The following TUBD1 variants were observed in gnomAD, a reference collection of about 807,000 sequenced individuals.
TUBD1 encodes tubulin delta chain.
Under a neutral mutation model 51.2 loss-of-function variants are expected in TUBD1, and 38 were observed. The ratio of observed to expected loss-of-function variants is 0.74; its 90% CI spans 0.57 to 0.97. The LOEUF (loss-of-function observed/expected upper bound fraction) is 0.97. Among genes scored for constraint, TUBD1 ranks in the 50% least tolerant of loss-of-function variants. The pLI, the probability that TUBD1 is intolerant of heterozygous loss-of-function variation, is 0.00. For synonymous variants in TUBD1, 169 were observed against 178.2 expected (o/e 0.95, Z 0.41); for missense variants, 489 against 538.4 (o/e 0.91, Z 0.91).
rs1400068705 is a variant in TUBD1, at chr17:59,863,089, TCAAA to T, written c.1259+571_1259+574del. ...ATAATAAAATTCTACTTTAATAATG[TCAAA>T]CAATTACTGAGCATTTACTAGCCAG... On this transcript the variant is annotated intron_variant, in intron 8 of 8. Transcript: ENST00000325752. 3.3e-5 allele frequency among the ~76,000 whole-genome samples: 5 copies of T among 152,242 alleles called. No individual in the cohort carries two copies. In the East Asian group the frequency reaches 7.7e-4, roughly 23 times the overall value.
At chr17:59,890,778 T>C in intron 2 of TUBD1, 53 bp downstream of exon 2, 1 of 1,437,742 alleles carries the variant, frequency 7.0e-7, no homozygotes, top group Non-Finnish European at 9.3e-7. Flanking sequence ...AGGCCTGGCT[T>C]TGAAGGGGTT....
At chr17:59,864,104 A>G (rs559869811) in intron 7 of TUBD1, among the ~76,000 whole-genome samples, 6 of 152,060 alleles carry the variant, frequency 3.9e-5, no homozygotes, top group African/African-American at 1.4e-4. Flanking sequence ...TTAGCTGTAC[A>G]TGGTGGTGTG....
At chr17:59,860,621 C>T (rs1022757262) in intron 8 of TUBD1, among the ~76,000 whole-genome samples, 197 bp from the exon 9 acceptor site, 1 of 151,228 alleles carries the variant, frequency 6.6e-6, no homozygotes, top group Non-Finnish European at 1.5e-5. Context: ...GAGTCTTGCT[C>T]TGTCACCTAG....
intron 1 of TUBD1, chr17:59,892,092 T>C (rs919489172): frequency 6.6e-6 from 1 of 152,214 alleles, no homozygotes; most frequent in African/African-American, 2.4e-5. Flanking sequence ...TGCTCAACAT[T>C]GTACATTCAA....
intron 4 of TUBD1, among the ~76,000 whole-genome samples, chr17:59,879,538 T>C (rs1265919034): frequency 1.3e-5 from 2 of 151,874 alleles, no homozygotes; most frequent in South Asian, 2.1e-4. Flanking sequence ...CAGGTTCAAG[T>C]GATTCTCCTG....
chr17:59,866,967 G>A (rs1481823425), intron 6 of TUBD1, among the ~76,000 whole-genome samples: 2 of 151,958 alleles, frequency 1.3e-5, no homozygotes, highest in Non-Finnish European at 2.9e-5. Flanking sequence ...TAATTTTTTT[G>A]TATTTTTAGT....
Position 59,860,218 on chromosome 17 carries a change from G to C in TUBD1, c.*104C>G, listed in dbSNP as rs1284445800. 3 of 848,550 alleles carry C rather than the reference G, an allele frequency of 3.5e-6. No individual in the cohort carries two copies. Among genetic ancestry groups the C allele is most frequent in the Non-Finnish European group, 5.5e-6 (3 of 542,458 alleles). 52.6% of individuals were successfully genotyped at this position (848,550 alleles called of 1,614,324 possible). A position where few individuals can be genotyped will look rare whatever the true frequency, so the allele number is the denominator to read the frequency against. The stretch of plus-strand genomic sequence containing the variant: ...TTTCTGGTAGAGACGGTGTTTCACC[G>C]TGTTAGCCAGGATGGAGAACTTTGA... On this transcript the variant is annotated 3_prime_UTR_variant, in exon 9 of 9. Coordinates refer to ENST00000325752, the MANE Select transcript of TUBD1 (RefSeq NM_016261.4).
At chr17:59,877,686 G>A (rs953327407) in intron 5 of TUBD1, among the ~76,000 whole-genome samples, 2 of 151,662 alleles carry the variant, frequency 1.3e-5, no homozygotes, top group Non-Finnish European at 2.9e-5. Context: ...GCTGAAATAG[G>A]AAAATTGCTT....
chr17:59,891,551 T>C (rs1000477988), intron 1 of TUBD1, among the ~76,000 whole-genome samples: 1 of 152,224 alleles, frequency 6.6e-6, no homozygotes, highest in Non-Finnish European at 1.5e-5. Context: ...GTTTTGGGAT[T>C]TGTGATTTAC....
chr17:59,868,794 G>T (rs2039840153), intron 6 of TUBD1, among the ~76,000 whole-genome samples: 1 of 151,824 alleles, frequency 6.6e-6, no homozygotes, highest in Admixed American at 6.6e-5. Flanking sequence ...CCAATATTGC[G>T]CCACTGCACT....
At chr17:59,876,900 C>G (rs944020836) in intron 5 of TUBD1, among the ~76,000 whole-genome samples, 2 of 151,156 alleles carry the variant, frequency 1.3e-5, no homozygotes, top group African/African-American at 4.9e-5. Flanking sequence ...GTCTCGCTGT[C>G]GCCCAGGCAG....
In TUBD1 at chr17:59,874,564, G is replaced by A. The variant is rs534610332; in HGVS notation, c.909C>T (p.Leu303=). The A allele has an allele frequency of 1.9e-6, 3 of 1,611,456 alleles. No homozygotes were observed. Among genetic ancestry groups the A allele is most frequent in the African/African-American group, 2.7e-5 (2 of 74,888 alleles). The change falls in exon 6 of 9, where the codon CTC becomes CTT. Residue 303 remains leucine, a synonymous_variant. Transcript: ENST00000325752. ...AGLLKHLRQM[L]ISNAKMEEGI... ...CTTCTTCCATCTTTGCATTAGAAAT[G>A]AGCATCTGTCTCAAATGCTTGAGGA...
chr17:59,878,278 T>C lies in TUBD1; in HGVS notation c.594A>G (p.Ser198=). ...ILTLSHLYRS[S]DALLLHENDA... ...CATTCTCATGAAGAAGGAGGGCGTC[T>C]GAAGATCGGTACAAGTGAGAAAGTG... The change falls in exon 5 of 9, where the codon TCA becomes TCG. Residue 198 remains serine (S), a synonymous_variant. Coordinates refer to ENST00000325752, the MANE Select transcript of TUBD1 (RefSeq NM_016261.4). The C allele has an allele frequency of 6.2e-7, 1 of 1,614,026 alleles. No individual in the cohort carries two copies. The highest frequency in any genetic ancestry group is 1.6e-4 in the Middle Eastern group (1 of 6,062).
rs139851797 is a variant in TUBD1, at chr17:59,878,379, T to C, written c.538-45A>G. ...AAAAAAGAAAGGTAGGAGAGAATAA[T>C]GGTTAAGATTACAGATTCTCAAGGC... On this transcript the variant is annotated intron_variant, in intron 4 of 8. Transcript: ENST00000325752. The C allele has an allele frequency of 9.2e-4, 1,276 of 1,388,750 alleles. 9 individuals are homozygous for C. In the African/African-American group the frequency reaches 0.012, roughly 13 times the overall value. 86.0% of individuals were successfully genotyped at this position (1,388,750 alleles called of 1,614,324 possible).
chr17:59,862,877 A>C (rs1018516221), intron 8 of TUBD1, among the ~76,000 whole-genome samples: 4 of 151,458 alleles, frequency 2.6e-5, no homozygotes, highest in African/African-American at 9.7e-5. Flanking sequence ...GGCGCCCGCT[A>C]CCACGCCCGG....
At chr17:59,869,032 C>T (rs576633295) in intron 6 of TUBD1, among the ~76,000 whole-genome samples, 2 of 150,764 alleles carry the variant, frequency 1.3e-5, no homozygotes, top group Non-Finnish European at 3.0e-5. Context: ...CAAAACAAAA[C>T]AAAATCTTCC....
chr17:59,881,560 T>C (rs2040489445), intron 3 of TUBD1, among the ~76,000 whole-genome samples: 1 of 152,210 alleles, frequency 6.6e-6, no homozygotes, highest in South Asian at 2.1e-4. Context: ...TGGGGGTACA[T>C]GTGATATTTG....
intron 5 of TUBD1, among the ~76,000 whole-genome samples, chr17:59,877,794 TC>T (rs2040293686): frequency 7.1e-6 from 1 of 141,398 alleles, no homozygotes; most frequent in Non-Finnish European, 1.5e-5. Context: ...AAAAAAAAAA[TC>T]ATTGACTTGC....
intron 7 of TUBD1, among the ~76,000 whole-genome samples, chr17:59,866,133 A>C (rs1448903314): frequency 6.6e-6 from 1 of 150,516 alleles, no homozygotes; most frequent in East Asian, 1.9e-4. Flanking sequence ...AAAAAAAAAA[A>C]AGGAAAGGAG....
Sources: gnomAD v4.1 joint callset for allele counts (sites outside exome capture counted in the v4.1 genomes callset) on GRCh38, gnomAD v4.1.1 for gene constraint, MANE v1.5 for transcripts, NCBI Gene and HGNC (gene_info 2026-07-23, HGNC 2026-07-21) for gene names.